Variants in FOXN3 observed in about 807,000 individuals in gnomAD.
FOXN3 encodes the protein forkhead box N3.
In FOXN3, 7 loss-of-function variants were observed where a neutral mutation model predicts 38.4. That is an observed-to-expected ratio of 0.18 (90% CI 0.10 to 0.34). The LOEUF (loss-of-function observed/expected upper bound fraction) is 0.34, where lower values mean the gene tolerates loss of function less well. Ranked by LOEUF, FOXN3 falls within the 10% of genes least tolerant of loss-of-function variation. The pLI is 1.00. For synonymous variants in FOXN3, 230 were observed against 242.2 expected (o/e 0.95, Z 0.47); for missense variants, 456 against 613.4 (o/e 0.74, Z 2.71).
In FOXN3 at chr14:89,344,650, G is replaced by A. The variant is rs116945916; in HGVS notation, c.680+6022C>T. Among the ~76,000 whole-genome samples the A allele has an allele frequency of 2.0e-4, 30 of 152,234 alleles. No homozygotes were observed. In the South Asian group the frequency reaches 3.5e-3, roughly 18 times the overall value. ...TTATAGGGTGTTAATGTAGTGTTAC[G>A]AAGTTTAAATACCCCCACTATAAGT... On this transcript the variant is annotated intron_variant, in intron 3 of 5. Coordinates refer to ENST00000557258, the MANE Select transcript of FOXN3 (RefSeq NM_005197.4).
chr14:89,607,823 T>G (rs908469872), intron 1 of FOXN3, among the ~76,000 whole-genome samples: 3 of 152,098 alleles, frequency 2.0e-5, no homozygotes, highest in African/African-American at 7.2e-5. Context: ...CTATCTTTTT[T>G]TTTTTTCTTT....
At chr14:89,184,233 C>T (rs1887745575) in intron 4 of FOXN3, 1 of 152,236 alleles carries the variant, frequency 6.6e-6, no homozygotes, top group Admixed American at 6.5e-5. Context: ...CATGTCATAT[C>T]AGAGCCACCC....
At chr14:89,617,051 G>T (rs1315834342) in intron 1 of FOXN3, among the ~76,000 whole-genome samples, 2 of 152,018 alleles carry the variant, frequency 1.3e-5, no homozygotes, top group African/African-American at 2.4e-5. Flanking sequence ...TTAAGTGGTG[G>T]TCATGGTAGA....
At chr14:89,315,106 C>A (rs1887682068) in intron 3 of FOXN3, among the ~76,000 whole-genome samples, 2 of 151,964 alleles carry the variant, frequency 1.3e-5, no homozygotes, top group Non-Finnish European at 2.9e-5. Context: ...CTGGCTCAGA[C>A]AAACAAAGAG....
chr14:89,218,785 G>C (rs1226334555), intron 4 of FOXN3, among the ~76,000 whole-genome samples: 1 of 152,104 alleles, frequency 6.6e-6, no homozygotes, highest in African/African-American at 2.4e-5. Context: ...AGACTTTCTG[G>C]GTCTTGCTTT....
At chr14:89,354,482 TC>T (rs1450967508) in intron 2 of FOXN3, among the ~76,000 whole-genome samples, 119 of 141,196 alleles carry the variant, frequency 8.4e-4, no homozygotes, top group Admixed American at 1.7e-3. Context: ...CACCTTGGCC[TC>T]CCCAAAGTGC....
chr14:89,358,829 C>T (rs1889340791), intron 2 of FOXN3, among the ~76,000 whole-genome samples: 1 of 152,178 alleles, frequency 6.6e-6, no homozygotes, highest in Non-Finnish European at 1.5e-5. Context: ...CAGACAGACC[C>T]GAGTCTGAGT....
At chr14:89,517,800 C>A (rs1004522303) in intron 1 of FOXN3, among the ~76,000 whole-genome samples, 8 of 152,170 alleles carry the variant, frequency 5.3e-5, no homozygotes, top group African/African-American at 1.9e-4. Flanking sequence ...TTTCAACTCG[C>A]CTCCCTGCTA....
chr14:89,192,616 A>T (rs1390461527), intron 4 of FOXN3, among the ~76,000 whole-genome samples: 1 of 136,414 alleles, frequency 7.3e-6, no homozygotes, highest in Non-Finnish European at 1.5e-5. Flanking sequence ...AAGCTATATA[A>T]ACTATATAAT....
At chr14:89,598,535 T>C (rs1485875939) in intron 1 of FOXN3, among the ~76,000 whole-genome samples, 1 of 152,228 alleles carries the variant, frequency 6.6e-6, no homozygotes, top group Non-Finnish European at 1.5e-5. Flanking sequence ...TCCTCTCACG[T>C]CAGCCTCCCA....
intron 1 of FOXN3, among the ~76,000 whole-genome samples, chr14:89,472,751 T>C (rs371904113): frequency 4.0e-5 from 6 of 150,432 alleles, no homozygotes; most frequent in African/African-American, 1.2e-4. Context: ...AGATAGATTG[T>C]GCATCCTTAA....
chr14:89,557,724 A>AG (rs1257113550), intron 1 of FOXN3, among the ~76,000 whole-genome samples: 1 of 152,096 alleles, frequency 6.6e-6, no homozygotes, highest in East Asian at 1.9e-4. Flanking sequence ...GAGGTACCAA[A>AG]GGGGGGCACG....
At chr14:89,265,372 C>T (rs1290435299) in intron 4 of FOXN3, among the ~76,000 whole-genome samples, 4 of 152,088 alleles carry the variant, frequency 2.6e-5, no homozygotes, top group Non-Finnish European at 5.9e-5. Context: ...AGGTGGCTGC[C>T]GGCAGCCCCT....
chr14:89,206,613 T>A (rs1888392627), intron 4 of FOXN3, among the ~76,000 whole-genome samples: 1 of 152,176 alleles, frequency 6.6e-6, no homozygotes, highest in East Asian at 1.9e-4. Flanking sequence ...TGGATCAGGT[T>A]ACTTCATGAC....
At chr14:89,237,065 A>C (rs1039708195) in intron 4 of FOXN3, among the ~76,000 whole-genome samples, 1 of 152,208 alleles carries the variant, frequency 6.6e-6, no homozygotes, top group African/African-American at 2.4e-5. Context: ...TTTGGCAAAC[A>C]ACCAAAATCA....
intron 4 of FOXN3, among the ~76,000 whole-genome samples, chr14:89,245,455 G>A (rs1220641156): frequency 6.9e-6 from 1 of 145,324 alleles, no homozygotes; most frequent in African/African-American, 2.6e-5. Flanking sequence ...TGGCCTTTAG[G>A]TGCTTCAAAA....
intron 2 of FOXN3, among the ~76,000 whole-genome samples, chr14:89,367,823 G>A (rs927310446): frequency 8.9e-6 from 1 of 112,026 alleles, no homozygotes; most frequent in African/African-American, 3.4e-5. Flanking sequence ...GGCTCAGCAA[G>A]CCGGCCTCCT....
intron 4 of FOXN3, among the ~76,000 whole-genome samples, chr14:89,232,034 T>A (rs1884828265): frequency 1.3e-5 from 2 of 152,164 alleles, no homozygotes; most frequent in Admixed American, 1.3e-4. Flanking sequence ...AAGAATACTA[T>A]CTGCCTTCAG....
At chr14:89,435,173 A>C (rs1892251547) in intron 1 of FOXN3, among the ~76,000 whole-genome samples, 1 of 152,064 alleles carries the variant, frequency 6.6e-6, no homozygotes. Context: ...GCTTGAACCC[A>C]GGAGTTAGAA....
Sources: allele counts gnomAD v4.1 joint callset (sites outside exome capture counted in the v4.1 genomes callset), GRCh38; gene constraint gnomAD v4.1.1; transcripts MANE v1.5; gene names NCBI Gene and HGNC (gene_info 2026-07-23, HGNC 2026-07-21).